Variants in NEK9 observed in about 807,000 individuals in gnomAD.
NEK9 encodes serine/threonine-protein kinase Nek9.
NEK9 carries 75 observed loss-of-function variants against 123.4 expected under a neutral mutation model. The observed-to-expected ratio is 0.61, with a 90% CI of 0.50 to 0.74. The LOEUF (loss-of-function observed/expected upper bound fraction) is 0.74. NEK9 is among the 30% of genes least tolerant of loss of function. NEK9 has a pLI of 0.00. For missense variants in NEK9, 952 were observed against 1,214.4 expected, an observed-to-expected ratio of 0.78 and a Z score of 3.21; for synonymous variants, 438 against 458.7, an observed-to-expected ratio of 0.95 and a Z score of 0.58.
intron 14 of NEK9, among the ~76,000 whole-genome samples, chr14:75,102,528 A>AT (rs1432084698): frequency 1.4e-5 from 2 of 146,756 alleles, no homozygotes; most frequent in Non-Finnish European, 3.0e-5. Flanking sequence ...TTTTTTTGGT[A>AT]TTTTTAGTGG....
chr14:75,083,241 A>G lies in NEK9; in HGVS notation c.*1323T>C, dbSNP rs756160590. 14 of 397,260 alleles carry G rather than the reference A, an allele frequency of 3.5e-5. No individual in the cohort carries two copies. The highest frequency in any genetic ancestry group is 4.9e-5 in the Non-Finnish European group (11 of 225,792). 24.6% of individuals were successfully genotyped at this position (397,260 alleles called of 1,614,324 possible). On this transcript the variant is annotated 3_prime_UTR_variant, in exon 22 of 22. Coordinates refer to ENST00000238616, the MANE Select transcript of NEK9 (RefSeq NM_033116.6). ...ACAAAATACCACAGGAACATTTTAC[A>G]AGGCTAGGTGGAAATACAAAGCTCA...
At chr14:75,095,735 G>A (rs1894360844) in intron 17 of NEK9, among the ~76,000 whole-genome samples, 2 of 152,088 alleles carry the variant, frequency 1.3e-5, no homozygotes, top group Admixed American at 6.5e-5. Flanking sequence ...AAAAAAAAAT[G>A]CAAAGCTAGC....
At chr14:75,125,802 T>C (rs1248338459) in intron 1 of NEK9, among the ~76,000 whole-genome samples, 1 of 152,242 alleles carries the variant, frequency 6.6e-6, no homozygotes, top group African/African-American at 2.4e-5. Context: ...GAACTGCAGA[T>C]GGATTTCCGA....
Position 75,097,213 on chromosome 14 carries a change from G to T in NEK9, c.2060C>A (p.Thr687Lys). 6.2e-7 allele frequency: 1 copy of T among 1,612,218 alleles called. No individual in the cohort carries two copies. Among genetic ancestry groups the T allele is most frequent in the Non-Finnish European group, 8.5e-7 (1 of 1,178,990 alleles). Reference protein sequence around the residue: ...GGNGRLAMTPTERPHGSDICT... With the variant: ...GGNGRLAMTPKERPHGSDICT... ...GATATCAGAGCCATGTGGTCTCTCT[G>T]TGGGGGTCATTGCCAGGCGGCCATT... Residue 687 changes from threonine to lysine, a missense_variant, in exon 17 of 22, where the codon ACA (threonine) becomes AAA (lysine). Physicochemically the swap from Thr to Lys is moderately conservative, Grantham distance 78 (BLOSUM62 -1). This residue lies in a region of NEK9 where 698 missense variants were observed against 875.6 expected (regional missense o/e 0.80). Transcript: ENST00000238616.
chr14:75,115,116 C>T (rs938350889), intron 6 of NEK9, among the ~76,000 whole-genome samples: 2 of 144,176 alleles, frequency 1.4e-5, no homozygotes, highest in African/African-American at 2.5e-5. Context: ...TGTGTGCGTA[C>T]ACACACACAC....
intron 17 of NEK9, among the ~76,000 whole-genome samples, chr14:75,096,044 G>A (rs990266287): frequency 1.3e-5 from 2 of 152,118 alleles, no homozygotes; most frequent in African/African-American, 4.8e-5. Flanking sequence ...AGCACTTTGG[G>A]AGGCCGAGGC....
chr14:75,098,910 C>A (rs1894473225), intron 16 of NEK9, among the ~76,000 whole-genome samples: 2 of 152,206 alleles, frequency 1.3e-5, no homozygotes, highest in South Asian at 4.1e-4. Flanking sequence ...TCTTCAGTGA[C>A]ATCCTGACTG....
At position 75,126,990 on chromosome 14, in the gene NEK9, T is replaced by A. The variant is rs1220085945; in HGVS notation, c.-69A>T. The A allele has an allele frequency of 9.3e-6, 12 of 1,285,804 alleles. No homozygotes were observed. The highest frequency in any genetic ancestry group is 2.1e-6 in the Non-Finnish European group (2 of 974,470). 79.6% of individuals were successfully genotyped at this position (1,285,804 alleles called of 1,614,324 possible). On this transcript the variant is annotated 5_prime_UTR_variant, in exon 1 of 22. Transcript: ENST00000238616. ...AGGCCCTGGCCGCGCTGCGTCCCGC[T>A]CGCTTCAGATGCCGGCCCGCGGATC...
At position 75,120,495 on chromosome 14, in the gene NEK9, T is replaced by A. The variant is rs765559996; in HGVS notation, c.524+15A>T. On this transcript the variant is annotated intron_variant, in intron 4 of 21. Transcript: ENST00000238616. The stretch of plus-strand genomic sequence containing the variant: ...GGTAGGGAAGAATCCATCCATAATT[T>A]TTTTTACTTCTTACCTATGAAGGAT... The A allele has an allele frequency of 6.3e-7, 1 of 1,596,788 alleles. No homozygotes were observed. The highest frequency in any genetic ancestry group is 8.6e-7 in the Non-Finnish European group (1 of 1,166,966).
chr14:75,117,597 A>AGATT (rs1895183455), intron 5 of NEK9, among the ~76,000 whole-genome samples: 1 of 152,208 alleles, frequency 6.6e-6, no homozygotes, highest in South Asian at 2.1e-4. Context: ...TTCCTAGATC[A>AGATT]CAGAGGCTTC....
At position 75,087,026 on chromosome 14, in the gene NEK9, C is replaced by A. The variant is rs752566495; in HGVS notation, c.2809G>T (p.Gly937Trp). ...TCTTTTAATGCTCTCACCTGCTGCC[C>A]TCCTTCTAATTTCTTGTTCAACTTC... ...LQKLNKKLEGGQQVGMHSKGT... is the reference protein window; with the variant it reads ...LQKLNKKLEGWQQVGMHSKGT... Residue 937 changes from glycine to tryptophan, a missense_variant, in exon 21 of 22, where the codon GGG becomes TGG. Physicochemically the swap from Gly to Trp is radical, Grantham distance 184. This residue lies in a region of NEK9 where 698 missense variants were observed against 875.6 expected (regional missense o/e 0.80). Coordinates refer to ENST00000238616, the MANE Select transcript of NEK9 (RefSeq NM_033116.6). The A allele has an allele frequency of 8.7e-6, 14 of 1,613,970 alleles. No homozygotes were observed. The highest frequency in any genetic ancestry group is 1.1e-5 in the Non-Finnish European group (13 of 1,179,904).
At chr14:75,122,114 T>C (rs1426029036) in intron 2 of NEK9, among the ~76,000 whole-genome samples, 1 of 152,220 alleles carries the variant, frequency 6.6e-6, no homozygotes, top group Non-Finnish European at 1.5e-5. Context: ...ACATCCCACC[T>C]GCAACTATAA....
At chr14:75,092,487 G>C (rs1385761297) in intron 18 of NEK9, among the ~76,000 whole-genome samples, 1 of 149,692 alleles carries the variant, frequency 6.7e-6, no homozygotes, top group African/African-American at 2.5e-5. Flanking sequence ...GGCTGGCCTT[G>C]AATTCCTGAC....
At chr14:75,089,090 A>AG (rs1197865588) in intron 19 of NEK9, among the ~76,000 whole-genome samples, 3 of 151,982 alleles carry the variant, frequency 2.0e-5, no homozygotes, top group Admixed American at 6.5e-5. Context: ...TTTTTGAAAC[A>AG]GGGTCTTGCT....
intron 14 of NEK9, among the ~76,000 whole-genome samples, chr14:75,102,620 G>C (rs1440869852): frequency 6.6e-6 from 1 of 151,976 alleles, no homozygotes. Flanking sequence ...CCAAAGTTCC[G>C]GGATTACAGG....
chr14:75,084,748 A>G (rs1029267893), intron 21 of NEK9, 62 bp from the exon 22 acceptor site: 16 of 1,603,704 alleles, frequency 1.0e-5, no homozygotes, highest in Non-Finnish European at 1.4e-5. Context: ...GAAGTAGTTC[A>G]GTACTATATT....
chr14:75,097,355 T>A, intron 16 of NEK9, 85 bp from the exon 17 acceptor site: 1 of 1,151,726 alleles, frequency 8.7e-7, no homozygotes, highest in Non-Finnish European at 1.2e-6. Flanking sequence ...ATCCTAGAGC[T>A]AGAAAGACTT....
chr14:75,091,178 G>A (rs1344278054), intron 19 of NEK9, 92 bp downstream of exon 19: 1 of 1,055,846 alleles, frequency 9.5e-7, no homozygotes, highest in Non-Finnish European at 1.4e-6. Context: ...AGTTTACTAG[G>A]TACTTGGAAA....
In NEK9 at chr14:75,112,201, T is replaced by C. The variant is rs189734146; in HGVS notation, c.938+1138A>G. On this transcript the variant is annotated intron_variant, in intron 8 of 21. Transcript: ENST00000238616. ...ACAGAATGTATCCAAGAGCAAGACT[T>C]GAAAAGAGCATTGTATGTGAATATT... Among the ~76,000 whole-genome samples the C allele has an allele frequency of 2.0e-5, 3 of 152,180 alleles. No homozygotes were observed. The East Asian group carries it at 5.8e-4, about 29-fold the overall frequency.
Sources: gnomAD v4.1 joint callset for allele counts (sites outside exome capture counted in the v4.1 genomes callset) on GRCh38, gnomAD v4.1.1 for gene constraint, gnomAD v4.1.1 regional missense constraint, MANE v1.5 for transcripts, NCBI Gene and HGNC (gene_info 2026-07-23, HGNC 2026-07-21) for gene names.